SLC26A9: variants seen among roughly 807,000 people sequenced by gnomAD.
SLC26A9 encodes solute carrier family 26 member 9, also known as anion transporter/exchanger protein 9.
Under a neutral mutation model 87.1 loss-of-function variants are expected in SLC26A9, and 46 were observed. That is an observed-to-expected ratio of 0.53 (90% CI 0.42 to 0.67). The LOEUF (loss-of-function observed/expected upper bound fraction) is 0.67. SLC26A9 is among the 30% of genes least tolerant of loss of function. The pLI is 0.00. For missense variants in SLC26A9, 927 were observed against 1,018.3 expected, an observed-to-expected ratio of 0.91 and a Z score of 1.22; for synonymous variants, 437 against 409.1, an observed-to-expected ratio of 1.07 and a Z score of -0.82.
chr1:205,924,111 C>T (rs371817866), intron 13 of SLC26A9, among the ~76,000 whole-genome samples: 10 of 152,136 alleles, frequency 6.6e-5, no homozygotes, highest in African/African-American at 2.4e-4. Context: ...CTGCCCTTGC[C>T]CTCCTTTCTC....
In SLC26A9 at chr1:205,931,971, T is replaced by C; in HGVS notation, c.441A>G (p.Lys147=). ...NICLQLAPES[K]FQVFNNATNE... is the part of the protein sequence containing the mutation. Reference sequence around the variant, plus strand: ...TGGTGGCATTGTTGAAGACCTGGAATTTCGACTCTGGGGCCAGCTGCAGAC... The same window carrying C: ...TGGTGGCATTGTTGAAGACCTGGAACTTCGACTCTGGGGCCAGCTGCAGAC... The change falls in exon 5 of 21, where the codon AAA becomes AAG. Residue 147 remains lysine (K), a synonymous_variant. Coordinates refer to ENST00000367135, the MANE Select transcript of SLC26A9 (RefSeq NM_052934.4). The C allele has an allele frequency of 6.2e-7, 1 of 1,614,184 alleles. No individual in the cohort carries two copies.
chr1:205,933,567 T>C (rs1659393588), intron 2 of SLC26A9, among the ~76,000 whole-genome samples: 1 of 152,220 alleles, frequency 6.6e-6, no homozygotes, highest in African/African-American at 2.4e-5. Context: ...AGTCTAGCTC[T>C]CCTGTTCATC....
chr1:205,924,562 C>G, intron 12 of SLC26A9, 73 bp from the exon 13 acceptor site: 1 of 1,359,062 alleles, frequency 7.4e-7, no homozygotes, highest in East Asian at 2.3e-5. Flanking sequence ...CCTGGATTAG[C>G]CAAGGCCATT....
Position 205,932,831 on chromosome 1 carries a change from C to T in SLC26A9, c.266-19G>A, listed in dbSNP as rs1659360776. On this transcript the variant is annotated intron_variant, in intron 3 of 20. Transcript: ENST00000367135. ...GCCATGCCTGCAGAGGACAACGAGA[C>T]TGAAGCTCAGCAGCATGACTAGCTT... The T allele has an allele frequency of 2.5e-6, 4 of 1,590,194 alleles. No individual in the cohort carries two copies. Among genetic ancestry groups the T allele is most frequent in the Non-Finnish European group, 3.4e-6 (4 of 1,166,726 alleles).
In SLC26A9 at chr1:205,928,941, G is replaced by T. The variant is rs1225853480; in HGVS notation, c.871-32C>A. Reference sequence around the variant, plus strand: ...ACCCCAGAGTGGAGAATGGGGATTGGCCCTAAGGTGGGGCCAGGGCAGGCG... The same window carrying T: ...ACCCCAGAGTGGAGAATGGGGATTGTCCCTAAGGTGGGGCCAGGGCAGGCG... On this transcript the variant is annotated intron_variant, in intron 7 of 20. Transcript: ENST00000367135. 1.9e-6 allele frequency: 3 copies of T among 1,611,860 alleles called. No individual in the cohort carries two copies. In the Admixed American group the frequency reaches 5.0e-5, roughly 27 times the overall value.
intron 18 of SLC26A9, among the ~76,000 whole-genome samples, chr1:205,919,265 C>T (rs1211896554): frequency 6.6e-6 from 1 of 152,162 alleles, no homozygotes; most frequent in Non-Finnish European, 1.5e-5. Flanking sequence ...CCTAAGCCAT[C>T]CTTGAAGAGG....
At chr1:205,921,897 A>T (rs1471711613) in intron 16 of SLC26A9, 50 bp from the exon 17 acceptor site, 2 of 1,569,536 alleles carry the variant, frequency 1.3e-6, no homozygotes, top group African/African-American at 2.7e-5. Context: ...AGACTGAGCC[A>T]GACCTTGCTG....
intron 8 of SLC26A9, chr1:205,928,327 A>G: frequency 2.0e-6 from 1 of 487,870 alleles, no homozygotes; most frequent in Non-Finnish European, 3.7e-6. Context: ...CCAGATTCTG[A>G]ACCCTGTATG....
intron 2 of SLC26A9, among the ~76,000 whole-genome samples, chr1:205,935,401 T>C (rs1659468453): frequency 1.3e-5 from 2 of 152,112 alleles, no homozygotes; most frequent in African/African-American, 4.8e-5. Flanking sequence ...TCATCTACCA[T>C]GCCTTAACAA....
chr1:205,936,995 A>C (rs934712621), intron 1 of SLC26A9, among the ~76,000 whole-genome samples: 1 of 152,226 alleles, frequency 6.6e-6, no homozygotes, highest in African/African-American at 2.4e-5. Flanking sequence ...CAGATTCTGT[A>C]TCACTAAAGT....
chr1:205,921,461 C>T (rs910425254), intron 17 of SLC26A9, 105 bp downstream of exon 17: 42 of 1,410,238 alleles, frequency 3.0e-5, no homozygotes, highest in Non-Finnish European at 3.7e-5. Context: ...CCCCAGTGAG[C>T]TTCCTCCCTC....
At chr1:205,925,882 G>T (rs1659044917) in intron 12 of SLC26A9, among the ~76,000 whole-genome samples, 1 of 152,246 alleles carries the variant, frequency 6.6e-6, no homozygotes, top group African/African-American at 2.4e-5. Context: ...ACTATGCCCA[G>T]CGGATGATGC....
At chr1:205,923,056 C>T (rs1188451272) in intron 16 of SLC26A9, 26 bp downstream of exon 16, 11 of 1,605,758 alleles carry the variant, frequency 6.9e-6, no homozygotes, top group African/African-American at 2.7e-5. Context: ...GAGCAGGGCA[C>T]GGGGCTGCTT....
At chr1:205,918,210 C>CT (rs1376156499) in intron 19 of SLC26A9, among the ~76,000 whole-genome samples, 2 of 152,108 alleles carry the variant, frequency 1.3e-5, no homozygotes, top group African/African-American at 4.8e-5. Context: ...GGAGGGGACC[C>CT]TGAGGGCTAG....
rs375977433 is a variant in SLC26A9 at position 205,927,903 on chromosome 1, T to C, written c.1100A>G (p.Gln367Arg). The C allele has an allele frequency of 3.1e-6, 5 of 1,613,804 alleles. No homozygotes were observed. Among genetic ancestry groups the C allele is most frequent in the Non-Finnish European group, 3.4e-6 (4 of 1,179,868 alleles). The change falls in exon 9 of 21, where the codon CAG becomes CGG. Residue 367 changes from glutamine (Q) to arginine (R), a missense_variant and splice_region_variant. Transcript: ENST00000367135. ...NKHGYDVDSNQEMIALGCSNF... is the reference protein window; with the variant it reads ...NKHGYDVDSNREMIALGCSNF... ...CCTGCCGGGGGTGGCCAGAGCTACCTGGTTCGAATCCACGTCGTAGCCGTG... is the reference window on the plus strand; with the variant it reads ...CCTGCCGGGGGTGGCCAGAGCTACCCGGTTCGAATCCACGTCGTAGCCGTG...
intron 5 of SLC26A9, 59 bp downstream of exon 5, chr1:205,931,801 T>C: frequency 6.4e-7 from 1 of 1,557,894 alleles, no homozygotes; most frequent in Non-Finnish European, 8.7e-7. Flanking sequence ...GCTAAGGCTT[T>C]GAGGGAGGGG....
At chr1:205,932,666 G>A (rs1287561529) in intron 4 of SLC26A9, 36 bp downstream of exon 4, 2 of 1,503,812 alleles carry the variant, frequency 1.3e-6, no homozygotes, top group South Asian at 1.4e-5. Flanking sequence ...CTTGGGGTCT[G>A]GGTCATCCTG....
At chr1:205,934,274 C>T (rs546858110) in intron 2 of SLC26A9, among the ~76,000 whole-genome samples, 2 of 152,286 alleles carry the variant, frequency 1.3e-5, no homozygotes, top group African/African-American at 4.8e-5. Flanking sequence ...GGTGCCTCTG[C>T]CATCCCTGGG....
At chr1:205,940,727 G>T (rs1173678140) in intron 1 of SLC26A9, among the ~76,000 whole-genome samples, 1 of 152,206 alleles carries the variant, frequency 6.6e-6, no homozygotes, top group Non-Finnish European at 1.5e-5. Context: ...GGACTGTGAG[G>T]GGTCCATTTG....
Sources: allele counts gnomAD v4.1 joint callset (sites outside exome capture counted in the v4.1 genomes callset), GRCh38; gene constraint gnomAD v4.1.1; transcripts MANE v1.5; gene names NCBI Gene and HGNC (gene_info 2026-07-23, HGNC 2026-07-21).